PAX3: variants seen among roughly 807,000 people sequenced by gnomAD.
PAX3 encodes the protein paired box protein Pax-3.
Under a neutral mutation model 51.6 loss-of-function variants are expected in PAX3, and 14 were observed. The observed-to-expected ratio is 0.27, with a 90% CI of 0.18 to 0.42. The LOEUF is 0.42. PAX3 is among the 10% of genes least tolerant of loss of function. PAX3 has a pLI of 1.00. For synonymous variants in PAX3, 280 were observed against 253.4 expected, an observed-to-expected ratio of 1.11 and a Z score of -1.00; for missense variants, 540 against 642.8, an observed-to-expected ratio of 0.84 and a Z score of 1.73.
chr2:222,271,099 G>A (rs1694235899), intron 4 of PAX3, among the ~76,000 whole-genome samples: 1 of 152,210 alleles, frequency 6.6e-6, no homozygotes, highest in South Asian at 2.1e-4. Flanking sequence ...CTTTGAGGTA[G>A]TGGAGCAAAT....
chr2:222,205,134 C>T (rs1353034005), intron 7 of PAX3, among the ~76,000 whole-genome samples: 2 of 152,012 alleles, frequency 1.3e-5, no homozygotes, highest in East Asian at 1.9e-4. Flanking sequence ...GCAGTCGCTG[C>T]GTTAGAAAAT....
At chr2:222,267,055 C>G (rs1036884720) in intron 4 of PAX3, among the ~76,000 whole-genome samples, 1 of 152,220 alleles carries the variant, frequency 6.6e-6, no homozygotes, top group Non-Finnish European at 1.5e-5. Context: ...TTCACAGCCA[C>G]ACTCTTACCC....
chr2:222,293,401 G>A (rs1382696302), intron 4 of PAX3, among the ~76,000 whole-genome samples: 5 of 152,016 alleles, frequency 3.3e-5, no homozygotes, highest in East Asian at 1.9e-4. Flanking sequence ...GCAGGTGAAG[G>A]GGAAGCAAGC....
rs1475072287 is a variant in PAX3, at chr2:222,232,107, T to G, written c.763A>C (p.Arg255=). The G allele has an allele frequency of 6.2e-7, 1 of 1,613,950 alleles. No individual in the cohort carries two copies. The highest frequency in any genetic ancestry group is 8.5e-7 in the Non-Finnish European group (1 of 1,179,968). The change falls in exon 5 of 9, where the codon AGG becomes CGG. Residue 255 remains arginine (R), a synonymous_variant. Coordinates refer to ENST00000392070, the MANE Select transcript of PAX3 (RefSeq NM_181458.4). ...ACTCGGGCCTCGGTGAGCTTCGCCCTCTGGGCCAGTTCCTCCCTAGTATAA... is the reference window on the plus strand; with the variant it reads ...ACTCGGGCCTCGGTGAGCTTCGCCCGCTGGGCCAGTTCCTCCCTAGTATAA... ...DIYTREELAQ[R]AKLTEARVQV...
chr2:222,283,186 A>G (rs1694706318), intron 4 of PAX3, among the ~76,000 whole-genome samples: 1 of 152,248 alleles, frequency 6.6e-6, no homozygotes, highest in Non-Finnish European at 1.5e-5. Context: ...CTTTGCCAGT[A>G]TGATGGAGTA....
chr2:222,272,720 A>G (rs1694295639), intron 4 of PAX3, among the ~76,000 whole-genome samples: 1 of 152,232 alleles, frequency 6.6e-6, no homozygotes, highest in South Asian at 2.1e-4. Flanking sequence ...AGTTTCTTTG[A>G]TAAAAGCAGC....
intron 5 of PAX3, among the ~76,000 whole-genome samples, chr2:222,222,042 C>A (rs1368831933): frequency 6.6e-6 from 1 of 152,080 alleles, no homozygotes; most frequent in Non-Finnish European, 1.5e-5. Flanking sequence ...ATTTCAACAA[C>A]AGCTTTAAGC....
chr2:222,259,296 A>T (rs1247188840), intron 4 of PAX3, among the ~76,000 whole-genome samples: 1 of 152,208 alleles, frequency 6.6e-6, no homozygotes, highest in Non-Finnish European at 1.5e-5. Context: ...TTCCTGATAC[A>T]TTCTGCGATG....
intron 1 of PAX3, chr2:222,298,185 G>T (rs1420073290): frequency 5.9e-6 from 2 of 340,348 alleles, no homozygotes; most frequent in East Asian, 5.2e-5. Context: ...AGACAACTTC[G>T]AGACAATTTC....
intron 5 of PAX3, among the ~76,000 whole-genome samples, chr2:222,229,337 A>G (rs1692500851): frequency 6.6e-6 from 1 of 151,642 alleles, no homozygotes; most frequent in Admixed American, 6.6e-5. Context: ...TTTTCTATTG[A>G]AATATTATGA....
At chr2:222,286,487 C>T (rs890723481) in intron 4 of PAX3, among the ~76,000 whole-genome samples, 1 of 152,232 alleles carries the variant, frequency 6.6e-6, no homozygotes, top group Non-Finnish European at 1.5e-5. Context: ...TATCAATCAC[C>T]TCAGTAAGAG....
chr2:222,268,599 T>C (rs1559298204), intron 4 of PAX3, among the ~76,000 whole-genome samples: 1 of 152,158 alleles, frequency 6.6e-6, no homozygotes, highest in Non-Finnish European at 1.5e-5. Context: ...GTTTCCTACC[T>C]CACTCTGAAT....
chr2:222,256,384 A>G (rs1693646696), intron 4 of PAX3, among the ~76,000 whole-genome samples: 1 of 151,796 alleles, frequency 6.6e-6, no homozygotes, highest in Non-Finnish European at 1.5e-5. Flanking sequence ...CATCCCAATA[A>G]TGCCATCCCT....
intron 8 of PAX3, 117 bp from the exon 9 acceptor site, chr2:222,201,559 C>CT: frequency 7.0e-7 from 1 of 1,431,154 alleles, no homozygotes; most frequent in Non-Finnish European, 9.8e-7. Flanking sequence ...AGGCTTGAGA[C>CT]TAATATTTTT....
At chr2:222,224,719 T>C (rs1458772311) in intron 5 of PAX3, among the ~76,000 whole-genome samples, 1 of 152,218 alleles carries the variant, frequency 6.6e-6, no homozygotes, top group East Asian at 1.9e-4. Flanking sequence ...CTTTCAATAT[T>C]GTATCACTAA....
intron 5 of PAX3, among the ~76,000 whole-genome samples, chr2:222,231,141 G>A (rs899226112): frequency 6.6e-6 from 1 of 152,154 alleles, no homozygotes; most frequent in African/African-American, 2.4e-5. Flanking sequence ...TAATAGGAGA[G>A]TTAATTAGCT....
intron 5 of PAX3, among the ~76,000 whole-genome samples, chr2:222,230,596 C>T (rs28729655): frequency 3.9e-5 from 6 of 151,962 alleles, no homozygotes; most frequent in Non-Finnish European, 7.4e-5. Flanking sequence ...GTGGCTCATA[C>T]CTGTAATCCC....
rs552979672 is a variant in PAX3 at position 222,288,218 on chromosome 2, TC to T, written c.586+5948del. ...TTCAAGGAAATATTTCTCCTGGCAT[TC>T]AACAACTGGGAGGCTGTGCTGTTAC... On this transcript the variant is annotated intron_variant, in intron 4 of 8. Transcript: ENST00000392070. Among the ~76,000 whole-genome samples, 25 of 152,364 alleles carry T rather than the reference TC, an allele frequency of 1.6e-4. No homozygotes were observed. The East Asian group carries it at 4.6e-3, about 28-fold the overall frequency.
At chr2:222,222,134 A>G (rs940176411) in intron 5 of PAX3, among the ~76,000 whole-genome samples, 1 of 152,194 alleles carries the variant, frequency 6.6e-6, no homozygotes, top group Admixed American at 6.5e-5. Flanking sequence ...ATGCCCTCAA[A>G]TAATTCAAAG....
Sources: gnomAD v4.1 joint callset for allele counts (sites outside exome capture counted in the v4.1 genomes callset) on GRCh38, gnomAD v4.1.1 for gene constraint, MANE v1.5 for transcripts, NCBI Gene and HGNC (gene_info 2026-07-23, HGNC 2026-07-21) for gene names.